The following TPO variants were observed in gnomAD, a reference collection of about 807,000 sequenced individuals.
TPO encodes the protein thyroid microsomal antigen.
Under a neutral mutation model 96.9 loss-of-function variants are expected in TPO, and 78 were observed. The observed-to-expected ratio is 0.81, with a 90% CI of 0.67 to 0.97. The LOEUF is 0.97. Among genes scored for constraint, TPO ranks in the 50% least tolerant of loss-of-function variants. The pLI is 0.00. For missense variants in TPO, 1,252 were observed against 1,274.8 expected (o/e 0.98, Z 0.27); for synonymous variants, 547 against 538.0 (o/e 1.02, Z -0.23).
chr2:1,435,265 T>A (rs1665453103), intron 4 of TPO, among the ~76,000 whole-genome samples: 1 of 152,218 alleles, frequency 6.6e-6, no homozygotes, highest in African/African-American at 2.4e-5. Flanking sequence ...TGATTTGTTG[T>A]CTGCAAGCAC....
intron 15 of TPO, among the ~76,000 whole-genome samples, chr2:1,523,660 ACCTCCTCGAATCACCCCACTGTGTGCAG>A (rs1675719698): frequency 7.1e-5 from 4 of 56,320 alleles, no homozygotes; most frequent in African/African-American, 2.9e-4. Context: ...ACTGTGTTCA[ACCTCCTCGAATCACCCCACTGTGTGCAG>A]CCTCCCCAAA....
At position 1,458,289 on chromosome 2, in the gene TPO, CAG is replaced by C. The variant is rs553990201; in HGVS notation, c.819+2008_819+2009del. Among the ~76,000 whole-genome samples the C allele has an allele frequency of 1.9e-3, 285 of 146,548 alleles. 4 individuals carry two copies. The highest frequency in any genetic ancestry group is 3.7e-4 in the Non-Finnish European group (25 of 66,734). On this transcript the variant is annotated intron_variant, in intron 7 of 16. Coordinates refer to ENST00000329066, the MANE Select transcript of TPO (RefSeq NM_001206744.2). ...GCACGTGTGTATATAGCATATAAGA[CAG>C]TGTGTGGACACATGTGTATATAGTA...
In TPO at chr2:1,496,607, G is replaced by C. The variant is rs1672376363; in HGVS notation, c.2228G>C (p.Gly743Ala). The change falls in exon 13 of 17, where the codon GGC becomes GCC. Residue 743 changes from glycine (G) to alanine (A), a missense_variant. By Grantham distance (60) the Gly-to-Ala change is moderately conservative. Coordinates refer to ENST00000329066, the MANE Select transcript of TPO (RefSeq NM_001206744.2). Reference sequence around the variant, plus strand: ...CCACATTTCATAGACGACAAGTGTGGCTTCCCAGAGAGCGTGGAGAATGGG... The same window carrying C: ...CCACATTTCATAGACGACAAGTGTGCCTTCCCAGAGAGCGTGGAGAATGGG... ...RETFPQDDKC[G>A]FPESVENGDF... is the part of the protein sequence containing the mutation. 1.2e-6 allele frequency: 2 copies of C among 1,613,996 alleles called. No individual in the cohort carries two copies.
intron 7 of TPO, among the ~76,000 whole-genome samples, chr2:1,459,244 C>T (rs1170231149): frequency 6.6e-6 from 1 of 151,858 alleles, no homozygotes; most frequent in South Asian, 2.1e-4. Context: ...CTCCGCCTCC[C>T]GGGTTCAAGC....
intron 15 of TPO, among the ~76,000 whole-genome samples, chr2:1,521,299 G>C (rs560193335): frequency 1.5e-4 from 23 of 152,110 alleles, no homozygotes; most frequent in Non-Finnish European, 3.1e-4. Context: ...GTGAGCTGAC[G>C]GGTGCTGTTT....
chr2:1,489,381 C>T (rs1219322308), intron 10 of TPO, among the ~76,000 whole-genome samples: 1 of 152,222 alleles, frequency 6.6e-6, no homozygotes, highest in East Asian at 1.9e-4. Flanking sequence ...GGCCCCACAG[C>T]TTGATCTCCT....
At chr2:1,423,368 C>T (rs9679017) in intron 3 of TPO, among the ~76,000 whole-genome samples, 17,588 of 152,196 alleles carry the variant, frequency 0.12, 1,861 homozygotes, top group African/African-American at 0.27. Flanking sequence ...ATTACGTATA[C>T]CCTGGTTAAA....
intron 8 of TPO, chr2:1,478,355 C>G (rs1446722937): frequency 2.0e-6 from 2 of 985,328 alleles, no homozygotes; most frequent in African/African-American, 1.7e-5. Flanking sequence ...GCACCAGGCC[C>G]TGTGGCGGCC....
intron 10 of TPO, among the ~76,000 whole-genome samples, chr2:1,488,803 C>A (rs1671418685): frequency 6.6e-6 from 1 of 152,186 alleles, no homozygotes; most frequent in South Asian, 2.1e-4. Context: ...TGTCCCCTGG[C>A]CCTTCCCCCA....
At chr2:1,426,597 C>T (rs184458692) in intron 3 of TPO, among the ~76,000 whole-genome samples, 3 of 152,356 alleles carry the variant, frequency 2.0e-5, no homozygotes, top group Non-Finnish European at 2.9e-5. Flanking sequence ...CATGCTCCTT[C>T]TGTAAAGTCA....
chr2:1,412,416 C>A (rs115575149), upstream of TPO, among the ~76,000 whole-genome samples: 1 of 152,116 alleles, frequency 6.6e-6, no homozygotes, highest in East Asian at 1.9e-4. Context: ...TCTCAGGGTG[C>A]GTGGGGGGAT....
At chr2:1,540,372 G>C (rs1001082904) in intron 15 of TPO, among the ~76,000 whole-genome samples, 1 of 152,152 alleles carries the variant, frequency 6.6e-6, no homozygotes, top group African/African-American at 2.4e-5. Context: ...CCTCTTGGCT[G>C]CAAATTCTAA....
intron 5 of TPO, chr2:1,438,934 T>A (rs1665884687): frequency 1.4e-6 from 1 of 707,158 alleles, no homozygotes; most frequent in Non-Finnish European, 2.6e-6. Flanking sequence ...TTTTCTCCAA[T>A]GACGTCTACA....
chr2:1,398,601 C>G (rs1662120918), intron 1 of TPO, among the ~76,000 whole-genome samples: 1 of 152,346 alleles, frequency 6.6e-6, no homozygotes, highest in South Asian at 2.1e-4. Flanking sequence ...CAGCATTTAT[C>G]TAGCTGGGCA....
intron 1 of TPO, among the ~76,000 whole-genome samples, chr2:1,393,384 G>A (rs367799434): frequency 5.3e-5 from 8 of 152,330 alleles, no homozygotes; most frequent in South Asian, 2.1e-4. Flanking sequence ...GTAATTCAAC[G>A]TGAGGTTTGG....
chr2:1,528,092 A>G (rs1677054584), intron 15 of TPO, among the ~76,000 whole-genome samples: 1 of 107,760 alleles, frequency 9.3e-6, no homozygotes, highest in Non-Finnish European at 1.7e-5. Context: ...CACTGTGAGC[A>G]AAAGCACAAA....
upstream of TPO, among the ~76,000 whole-genome samples, chr2:1,409,914 T>G (rs1662302751): frequency 1.0e-5 from 1 of 96,420 alleles, no homozygotes. Flanking sequence ...AAGCAGAGAG[T>G]GGATGGTGGA....
upstream of TPO, chr2:1,413,367 G>T (rs2071401): frequency 0.1 from 15,908 of 152,050 alleles, 1,066 homozygotes; most frequent in East Asian, 0.34. Context: ...CAGACATTCT[G>T]TCCCCACGAA....
upstream of TPO, among the ~76,000 whole-genome samples, chr2:1,412,354 C>G (rs1662431681): frequency 6.6e-6 from 1 of 152,188 alleles, no homozygotes; most frequent in Non-Finnish European, 1.5e-5. Context: ...TTTAATGAGC[C>G]ACCGAGTCTG....
Sources: allele counts gnomAD v4.1 joint callset (sites outside exome capture counted in the v4.1 genomes callset), GRCh38; gene constraint gnomAD v4.1.1; transcripts MANE v1.5; gene names NCBI Gene and HGNC (gene_info 2026-07-23, HGNC 2026-07-21).